The following WWC1 variants were observed in gnomAD, a reference collection of about 807,000 sequenced individuals.
WWC1 encodes the protein protein KIBRA.
WWC1 carries 55 observed loss-of-function variants against 138.4 expected under a neutral mutation model. The ratio of observed to expected loss-of-function variants is 0.40; its 90% CI spans 0.32 to 0.50. WWC1 has a LOEUF of 0.50. Among genes scored for constraint, WWC1 ranks in the 20% least tolerant of loss-of-function variants. WWC1 has a pLI of 0.72. For synonymous variants in WWC1, 524 were observed against 564.9 expected (o/e 0.93, Z 1.03); for missense variants, 1,226 against 1,420.4 (o/e 0.86, Z 2.20).
intron 17 of WWC1, among the ~76,000 whole-genome samples, chr5:168,453,476 G>C (rs1053366261): frequency 6.6e-6 from 1 of 152,214 alleles, no homozygotes; most frequent in Admixed American, 6.5e-5. Context: ...CTCAAGTACA[G>C]TGGTGGTTAC....
rs137970985 is a variant in WWC1, at chr5:168,331,947, A to T, written c.120-39477A>T. 1.5e-3 allele frequency among the ~76,000 whole-genome samples: 233 copies of T among 152,222 alleles called. 1 individual carries two copies. Among genetic ancestry groups the T allele is most frequent in the African/African-American group, 5.4e-3 (224 of 41,548 alleles). ...GATCACTTGAGGCCAGAAGTTTGAG[A>T]CCAGCCTGGCCAACATGAGGGAACC... On this transcript the variant is annotated intron_variant, in intron 1 of 22. Transcript: ENST00000265293.
chr5:168,354,240 A>C (rs1775223271), intron 1 of WWC1, among the ~76,000 whole-genome samples: 1 of 152,018 alleles, frequency 6.6e-6, no homozygotes, highest in East Asian at 1.9e-4. Context: ...TAGTAGAGAT[A>C]GGGATTCACC....
At chr5:168,322,512 G>T (rs751896068) in intron 1 of WWC1, among the ~76,000 whole-genome samples, 3 of 152,200 alleles carry the variant, frequency 2.0e-5, no homozygotes, top group Non-Finnish European at 2.9e-5. Context: ...CCTTGCTCTA[G>T]ACTAAAAGCT....
intron 15 of WWC1, 67 bp from the exon 16 acceptor site, chr5:168,441,615 C>A: frequency 1.3e-6 from 2 of 1,564,500 alleles, no homozygotes; most frequent in South Asian, 2.4e-5. Flanking sequence ...CCTCTTGAAC[C>A]AAATTCCCTG....
At chr5:168,373,816 G>A (rs570856205) in intron 2 of WWC1, among the ~76,000 whole-genome samples, 1 of 151,150 alleles carries the variant, frequency 6.6e-6, no homozygotes, top group African/African-American at 2.4e-5. Context: ...GGAGGCCGAG[G>A]TGGGCGGATC....
intron 21 of WWC1, among the ~76,000 whole-genome samples, chr5:168,465,483 G>A (rs1757190636): frequency 7.0e-6 from 1 of 143,402 alleles, no homozygotes; most frequent in Admixed American, 7.3e-5. Flanking sequence ...GGATTTAGGG[G>A]TTGATCAAGG....
At chr5:168,338,064 A>G (rs1309009744) in intron 1 of WWC1, among the ~76,000 whole-genome samples, 1 of 152,138 alleles carries the variant, frequency 6.6e-6, no homozygotes, top group African/African-American at 2.4e-5. Context: ...TAATCCCAGC[A>G]CTTTGGGAGG....
At chr5:168,294,057 G>A (rs927557177) in intron 1 of WWC1, among the ~76,000 whole-genome samples, 5 of 152,180 alleles carry the variant, frequency 3.3e-5, no homozygotes, top group African/African-American at 1.2e-4. Context: ...GGAGGCCTGT[G>A]TGCTGTTAGC....
intron 1 of WWC1, among the ~76,000 whole-genome samples, chr5:168,359,332 G>A (rs772027949): frequency 2.0e-5 from 3 of 152,198 alleles, no homozygotes; most frequent in Non-Finnish European, 4.4e-5. Flanking sequence ...GGGATTAGAG[G>A]CGTGAGCCAC....
intron 20 of WWC1, 127 bp downstream of exon 20, chr5:168,460,869 C>G: frequency 1.0e-6 from 1 of 955,642 alleles, no homozygotes; most frequent in East Asian, 2.6e-5. Context: ...AAAAATGTTG[C>G]TCTCTCAAGC....
At chr5:168,407,374 G>A (rs1286187439) in intron 6 of WWC1, among the ~76,000 whole-genome samples, 1 of 152,080 alleles carries the variant, frequency 6.6e-6, no homozygotes, top group East Asian at 1.9e-4. Flanking sequence ...TTCAAACCCT[G>A]ACTTACAGAC....
At chr5:168,357,638 A>G (rs1775566638) in intron 1 of WWC1, among the ~76,000 whole-genome samples, 1 of 152,104 alleles carries the variant, frequency 6.6e-6, no homozygotes, top group African/African-American at 2.4e-5. Flanking sequence ...AATAATTCAT[A>G]TTGTATCTGC....
intron 1 of WWC1, among the ~76,000 whole-genome samples, chr5:168,349,182 C>A (rs964956139): frequency 1.3e-5 from 2 of 152,106 alleles, no homozygotes; most frequent in Non-Finnish European, 1.5e-5. Context: ...TCTAAAAGTC[C>A]TTTCATTACC....
chr5:168,450,190 A>T (rs372180603), intron 17 of WWC1, among the ~76,000 whole-genome samples: 3 of 152,272 alleles, frequency 2.0e-5, no homozygotes, highest in South Asian at 4.2e-4. Flanking sequence ...TCAAGATGGG[A>T]ATAGAGATAA....
intron 11 of WWC1, among the ~76,000 whole-genome samples, chr5:168,426,495 C>G (rs1781510333): frequency 6.6e-6 from 1 of 152,212 alleles, no homozygotes; most frequent in African/African-American, 2.4e-5. Context: ...TTCATGCCAT[C>G]TCCAGAAGCC....
chr5:168,301,339 TAA>T (rs1770049871), intron 1 of WWC1, among the ~76,000 whole-genome samples: 1 of 152,172 alleles, frequency 6.6e-6, no homozygotes, highest in Non-Finnish European at 1.5e-5. Flanking sequence ...TTTGTCACTT[TAA>T]AATAGTAAGT....
chr5:168,357,416 G>A (rs1775515015), intron 1 of WWC1, among the ~76,000 whole-genome samples: 1 of 150,326 alleles, frequency 6.7e-6, no homozygotes, highest in Admixed American at 6.6e-5. Context: ...TCTTTTCCGT[G>A]TGGTTCACCA....
intron 1 of WWC1, among the ~76,000 whole-genome samples, chr5:168,363,551 G>A (rs1379462893): frequency 2.2e-5 from 3 of 136,196 alleles, no homozygotes; most frequent in Non-Finnish European, 3.2e-5. Flanking sequence ...AAAAAAAGAT[G>A]GTTTAAGCAG....
At chr5:168,336,581 A>AC (rs1352633840) in intron 1 of WWC1, among the ~76,000 whole-genome samples, 1 of 150,074 alleles carries the variant, frequency 6.7e-6, no homozygotes, top group African/African-American at 2.5e-5. Flanking sequence ...CAAAAAAAAA[A>AC]AAAAAAAAAA....
Sources: allele counts gnomAD v4.1 joint callset (sites outside exome capture counted in the v4.1 genomes callset), GRCh38; gene constraint gnomAD v4.1.1; transcripts MANE v1.5; gene names NCBI Gene and HGNC (gene_info 2026-07-23, HGNC 2026-07-21).